The following USP6NL variants were observed in gnomAD, a reference collection of about 807,000 sequenced individuals.
The protein encoded by USP6NL is USP6 N-terminal like, also known as USP6 N-terminal-like protein.
Under a neutral mutation model 61.9 loss-of-function variants are expected in USP6NL, and 26 were observed. The observed-to-expected ratio is 0.42, with a 90% CI of 0.31 to 0.58. USP6NL has a LOEUF of 0.58. Ranked by LOEUF, USP6NL falls within the 20% of genes least tolerant of loss-of-function variation. USP6NL has a pLI of 0.16. For missense variants in USP6NL, 1,114 were observed against 1,034.3 expected (o/e 1.08, Z -1.06); for synonymous variants, 432 against 390.1 (o/e 1.11, Z -1.27).
intron 2 of USP6NL, among the ~76,000 whole-genome samples, chr10:11,550,985 G>T (rs1397611543): frequency 6.6e-6 from 1 of 152,116 alleles, no homozygotes. Flanking sequence ...AACATCAAGT[G>T]CTGCTAAGGA....
chr10:11,462,221 G>C lies in USP6NL; in HGVS notation c.*220C>G. On this transcript the variant is annotated 3_prime_UTR_variant, in exon 15 of 15. Transcript: ENST00000609104. ...CCCTAAATGCTATTGCGATGTTTCC[G>C]GGTTAAATTCTAACAGGTCAGTGAT... is the stretch of plus-strand genomic sequence containing the variant. The C allele has an allele frequency of 3.7e-6, 2 of 543,066 alleles. No individual in the cohort carries two copies. The highest frequency in any genetic ancestry group is 6.3e-6 in the Non-Finnish European group (2 of 317,204). 33.6% of individuals were successfully genotyped at this position (543,066 alleles called of 1,614,324 possible).
chr10:11,594,587 GTTCAA>G (rs2133654596), intron 2 of USP6NL, among the ~76,000 whole-genome samples: 1 of 152,184 alleles, frequency 6.6e-6, no homozygotes, highest in South Asian at 2.1e-4. Context: ...AGTCCAGAAT[GTTCAA>G]TTCACTAGCA....
chr10:11,525,344 C>G lies in USP6NL; in HGVS notation c.155+42G>C. On this transcript the variant is annotated intron_variant, in intron 4 of 14. Transcript: ENST00000609104. This position sits in a 1 kb window ranked among gnomAD's most constrained non-coding sequence, Gnocchi z 5.0. ...TCAATATAATAGGTGACCACAGAAA[C>G]GTTATAATCTAAAAAGCAAGCTTTC... is the stretch of plus-strand genomic sequence containing the variant. The G allele has an allele frequency of 6.7e-7, 1 of 1,489,256 alleles. No homozygotes were observed. Among genetic ancestry groups the G allele is most frequent in the Non-Finnish European group, 9.1e-7 (1 of 1,095,758 alleles). The allele number at this position is 1,489,256 out of a possible 1,614,324, so 92.3% of individuals were successfully genotyped here.
At chr10:11,497,164 CT>C (rs1833966603) in intron 7 of USP6NL, among the ~76,000 whole-genome samples, 1 of 143,292 alleles carries the variant, frequency 7.0e-6, no homozygotes, top group Non-Finnish European at 1.5e-5. Context: ...AATCCCAGCG[CT>C]TTGGAAGGGT....
chr10:11,463,678 T>C lies in USP6NL; in HGVS notation c.1250A>G (p.His417Arg). ...APHRRHEHSP[H>R]PQSRTGTPER... ...GGGCGTCCCGGTCCTGCTCTGGGGG[T>C]GCGGGGAGTGCTCGTGCCTCCTGTG... The change falls in exon 15 of 15, where the codon CAC (histidine) becomes CGC (arginine). Residue 417 changes from histidine (H) to arginine (R), a missense_variant. By Grantham distance (29) the His-to-Arg change is conservative (BLOSUM62 0). Transcript: ENST00000609104. The surrounding 1 kb of genome is among the most constrained non-coding windows in gnomAD (Gnocchi z 6.3). 2 of 1,613,650 alleles carry C rather than the reference T, an allele frequency of 1.2e-6. No individual in the cohort carries two copies. Among genetic ancestry groups the C allele is most frequent in the Non-Finnish European group, 1.7e-6 (2 of 1,179,788 alleles).
intron 2 of USP6NL, among the ~76,000 whole-genome samples, chr10:11,568,149 TTG>T (rs35053647): frequency 0.21 from 31,147 of 149,440 alleles, 3,715 homozygotes; most frequent in East Asian, 0.54. Context: ...CGGGAGGTAG[TTG>T]TGTGTGTGTG....
At position 11,592,921 on chromosome 10, in the gene USP6NL, T is replaced by A. The variant is rs768407684; in HGVS notation, c.4+4710A>T. Among the ~76,000 whole-genome samples, 2 of 152,214 alleles carry A rather than the reference T, an allele frequency of 1.3e-5. No homozygotes were observed. Among genetic ancestry groups the A allele is most frequent in the Admixed American group, 6.5e-5 (1 of 15,276 alleles). On this transcript the variant is annotated intron_variant, in intron 2 of 14. Coordinates refer to ENST00000609104, the MANE Select transcript of USP6NL (RefSeq NM_014688.5). This position sits in a 1 kb window ranked among gnomAD's most constrained non-coding sequence, Gnocchi z 4.7. Reference sequence around the variant, plus strand: ...TCAGCATGAACACTTAGTCCCCTGCTCCAGTGAATGAAGGTCTTTACTCCT... The same window carrying A: ...TCAGCATGAACACTTAGTCCCCTGCACCAGTGAATGAAGGTCTTTACTCCT...
At chr10:11,610,239 T>G (rs915184179) in intron 1 of USP6NL, among the ~76,000 whole-genome samples, 4 of 152,206 alleles carry the variant, frequency 2.6e-5, no homozygotes, top group African/African-American at 4.8e-5. Flanking sequence ...CAACATCCAT[T>G]TTAAGTAATG....
Position 11,462,709 on chromosome 10 carries a change from C to A in USP6NL, c.2219G>T (p.Ser740Ile). 1 of 1,614,014 alleles carries A rather than the reference C, an allele frequency of 6.2e-7. No homozygotes were observed. Among genetic ancestry groups the A allele is most frequent in the Non-Finnish European group, 8.5e-7 (1 of 1,179,902 alleles). The change falls in exon 15 of 15, where the codon AGT (serine) becomes ATT (isoleucine). Residue 740 changes from serine to isoleucine, a missense_variant. Transcript: ENST00000609104. ...LPDNRTWSEV[S>I]YTYRPETQGQ... The stretch of plus-strand genomic sequence containing the variant: ...CTGCGTCTCAGGTCTGTATGTATAA[C>A]TAACTTCTGACCATGTTCTGTTATC...
chr10:11,609,882 G>A (rs576521834), intron 1 of USP6NL, among the ~76,000 whole-genome samples: 32 of 152,162 alleles, frequency 2.1e-4, no homozygotes, highest in Non-Finnish European at 4.0e-4. Flanking sequence ...GTCCCCAGTA[G>A]GAGCTATTTG....
chr10:11,549,246 G>A lies in USP6NL; in HGVS notation c.5-21679C>T, dbSNP rs751846872. ...CTTTTCTGTTCAAAGATAATTTTAC[G>A]ATAAAAAGAACAACAACAACAAAAA... On this transcript the variant is annotated intron_variant, in intron 2 of 14. Coordinates refer to ENST00000609104, the MANE Select transcript of USP6NL (RefSeq NM_014688.5). 5.9e-5 allele frequency among the ~76,000 whole-genome samples: 9 copies of A among 151,992 alleles called. No individual in the cohort carries two copies. The East Asian group carries it at 7.7e-4, about 13-fold the overall frequency.
At chr10:11,568,004 C>G (rs978521816) in intron 2 of USP6NL, among the ~76,000 whole-genome samples, 5 of 152,168 alleles carry the variant, frequency 3.3e-5, no homozygotes, top group African/African-American at 1.2e-4. Flanking sequence ...CGCTGCCTTT[C>G]CTTTTCATTA....
rs774742937 is a variant in USP6NL at position 11,462,961 on chromosome 10, G to A, written c.1967C>T (p.Pro656Leu). The change falls in exon 15 of 15, where the codon CCA becomes CTA. Residue 656 changes from proline to leucine, a missense_variant. Coordinates refer to ENST00000609104, the MANE Select transcript of USP6NL (RefSeq NM_014688.5). ...CAGTTGAGTCCCAGGGCTAAACTGT[G>A]GAGAAGCAAAGCTGCTGTTGGCAGT... ...FPTANSSFAS[P>L]QFSPGTQLNP... 3 of 1,613,820 alleles carry A rather than the reference G, an allele frequency of 1.9e-6. No homozygotes were observed. The highest frequency in any genetic ancestry group is 2.2e-5 in the South Asian group (2 of 91,048).
chr10:11,505,519 G>C (rs1008011108), intron 6 of USP6NL, among the ~76,000 whole-genome samples: 1 of 152,124 alleles, frequency 6.6e-6, no homozygotes, highest in African/African-American at 2.4e-5. Flanking sequence ...TAACAACCAT[G>C]ATAAAGAACT....
At position 11,520,705 on chromosome 10, in the gene USP6NL, C is replaced by T. The variant is rs1275307778; in HGVS notation, c.156-2131G>A. Among the ~76,000 whole-genome samples the T allele has an allele frequency of 6.6e-6, 1 of 152,226 alleles. No homozygotes were observed. The highest frequency in any genetic ancestry group is 6.5e-5 in the Admixed American group (1 of 15,290). On this transcript the variant is annotated intron_variant, in intron 4 of 14. Transcript: ENST00000609104. This position sits in a 1 kb window ranked among gnomAD's most constrained non-coding sequence, Gnocchi z 5.2. ...TATGGTGCATAGGCCAAATCTGGCC[C>T]ACTGTGCATTTTTGTAACGTTTTAA...
intron 2 of USP6NL, chr10:11,564,367 T>A (rs1487212006): frequency 6.6e-6 from 1 of 152,224 alleles, no homozygotes; most frequent in Non-Finnish European, 1.5e-5. Flanking sequence ...CTGGGCAGTC[T>A]GTTTCAGTAA....
rs1208115524 is a variant in USP6NL, at chr10:11,553,786, C to T, written c.5-26219G>A. On this transcript the variant is annotated intron_variant, in intron 2 of 14. Coordinates refer to ENST00000609104, the MANE Select transcript of USP6NL (RefSeq NM_014688.5). This position sits in a 1 kb window ranked among gnomAD's most constrained non-coding sequence, Gnocchi z 4.8. The stretch of plus-strand genomic sequence containing the variant: ...TGGTGGGCGCCTGTAATCCCAACTA[C>T]TCGCGAGGCTCAGGCAAGAGAACTG... Among the ~76,000 whole-genome samples the T allele has an allele frequency of 1.3e-4, 20 of 151,834 alleles. No homozygotes were observed. The highest frequency in any genetic ancestry group is 1.3e-3 in the Admixed American group (20 of 15,244).
chr10:11,465,401 G>C lies in USP6NL; in HGVS notation c.1079-1552C>G, dbSNP rs961306756. ...TGCCTGAAGATGCACTGTCACAGGG[G>C]CAAAACTGGATTCGCTGCAGAGACT... On this transcript the variant is annotated intron_variant, in intron 14 of 14. Coordinates refer to ENST00000609104, the MANE Select transcript of USP6NL (RefSeq NM_014688.5). The surrounding 1 kb of genome is among the most constrained non-coding windows in gnomAD (Gnocchi z 4.5). 3.9e-5 allele frequency among the ~76,000 whole-genome samples: 6 copies of C among 152,184 alleles called. No individual in the cohort carries two copies. Among genetic ancestry groups the C allele is most frequent in the Non-Finnish European group, 7.3e-5 (5 of 68,028 alleles).
In USP6NL at chr10:11,596,149, C is replaced by T. The variant is rs1838320335; in HGVS notation, c.4+1482G>A. 6.6e-6 allele frequency among the ~76,000 whole-genome samples: 1 copy of T among 152,098 alleles called. No individual in the cohort carries two copies. The highest frequency in any genetic ancestry group is 1.5e-5 in the Non-Finnish European group (1 of 68,008). ...TCTGCAACACTGATCCTAACAGAAC[C>T]CAAAAATTGCAAAGTAGAAGAAAAT... is the stretch of plus-strand genomic sequence containing the variant. On this transcript the variant is annotated intron_variant, in intron 2 of 14. Transcript: ENST00000609104. The surrounding 1 kb of genome is among the most constrained non-coding windows in gnomAD (Gnocchi z 4.1).
Sources: gnomAD v4.1 joint callset for allele counts (sites outside exome capture counted in the v4.1 genomes callset) on GRCh38, gnomAD v4.1.1 for gene constraint, Gnocchi (gnomAD v3.1) non-coding constraint, MANE v1.5 for transcripts, NCBI Gene and HGNC (gene_info 2026-07-23, HGNC 2026-07-21) for gene names.